The following KIF26B variants were observed in gnomAD, a reference collection of about 807,000 sequenced individuals.
KIF26B encodes the protein kinesin-like protein KIF26B.
Under a neutral mutation model 151.2 loss-of-function variants are expected in KIF26B, and 63 were observed. The ratio of observed to expected loss-of-function variants is 0.42; its 90% confidence interval spans 0.34 to 0.51. The LOEUF is 0.51. KIF26B is among the 20% of genes least tolerant of loss of function. The pLI is 0.07. For missense variants in KIF26B, 2,813 were observed against 2,913.6 expected, an observed-to-expected ratio of 0.97 and a Z score of 0.79; for synonymous variants, 1,357 against 1,262.1, an observed-to-expected ratio of 1.08 and a Z score of -1.59.
At chr1:245,612,432 A>G (rs1034003237) in intron 9 of KIF26B, among the ~76,000 whole-genome samples, 2 of 152,168 alleles carry the variant, frequency 1.3e-5, no homozygotes, top group Non-Finnish European at 2.9e-5. Flanking sequence ...AATAGACTAC[A>G]ATATGCAGTT....
At chr1:245,470,579 C>T (rs979152043) in intron 4 of KIF26B, among the ~76,000 whole-genome samples, 3 of 152,134 alleles carry the variant, frequency 2.0e-5, no homozygotes, top group Non-Finnish European at 4.4e-5. Context: ...CACAGGCACC[C>T]GCCACCACGC....
chr1:245,669,156 C>T (rs577062145), intron 10 of KIF26B, among the ~76,000 whole-genome samples: 31 of 152,298 alleles, frequency 2.0e-4, no homozygotes, highest in African/African-American at 7.5e-4. Context: ...TTTCCCCAGC[C>T]AATGACTGGT....
At chr1:245,184,050 G>GTTTTGTTTTTTTTTTTT (rs1553332273) in intron 2 of KIF26B, among the ~76,000 whole-genome samples, 3 of 19,804 alleles carry the variant, frequency 1.5e-4, no homozygotes, top group Non-Finnish European at 3.0e-4. Context: ...GGGAGTTGTT[G>GTTTTGTTTTTTTTTTTT]TTTTTTTTTT....
At chr1:245,289,303 T>C (rs1270208574) in intron 2 of KIF26B, among the ~76,000 whole-genome samples, 1 of 152,202 alleles carries the variant, frequency 6.6e-6, no homozygotes, top group Non-Finnish European at 1.5e-5. Context: ...TCAAAGAAAT[T>C]ACCGGCATGC....
At chr1:245,575,399 C>T (rs766019734) in intron 5 of KIF26B, among the ~76,000 whole-genome samples, 5 of 151,658 alleles carry the variant, frequency 3.3e-5, no homozygotes, top group Non-Finnish European at 7.4e-5. Flanking sequence ...TGTTTGAACC[C>T]GGGAGGCAGA....
At position 245,647,013 on chromosome 1, in the gene KIF26B, C is replaced by T. The variant is rs546296402; in HGVS notation, c.2258+733C>T. 7.7e-4 allele frequency among the ~76,000 whole-genome samples: 118 copies of T among 152,346 alleles called. 1 individual carries two copies. The highest frequency in any genetic ancestry group is 3.4e-3 in the Middle Eastern group (1 of 294). On this transcript the variant is annotated intron_variant, in intron 10 of 14. Coordinates refer to ENST00000407071, the MANE Select transcript of KIF26B (RefSeq NM_018012.4). The stretch of plus-strand genomic sequence containing the variant: ...ATTGACTGGCTGTCCAGGCTTCTGC[C>T]AAGGCCTAGCTGAGCCTCTTACTAG...
intron 2 of KIF26B, among the ~76,000 whole-genome samples, chr1:245,231,149 G>T (rs969443333): frequency 7.9e-5 from 12 of 152,092 alleles, no homozygotes; most frequent in Non-Finnish European, 7.4e-5. Context: ...TGATATATAA[G>T]CTAGGCAAAG....
At chr1:245,664,434 G>A (rs2044191350) in intron 10 of KIF26B, among the ~76,000 whole-genome samples, 1 of 150,512 alleles carries the variant, frequency 6.6e-6, no homozygotes. Flanking sequence ...CTATCATATT[G>A]CTCCTTTGCT....
chr1:245,500,903 C>A (rs1660607056), intron 4 of KIF26B, among the ~76,000 whole-genome samples: 1 of 152,196 alleles, frequency 6.6e-6, no homozygotes, highest in African/African-American at 2.4e-5. Flanking sequence ...AGTCAGTCAG[C>A]AGCATTGCCA....
At chr1:245,403,598 G>A in intron 3 of KIF26B, among the ~76,000 whole-genome samples, 1 of 146,560 alleles carries the variant, frequency 6.8e-6, no homozygotes, top group East Asian at 2.0e-4. Flanking sequence ...GTGTGCATGG[G>A]GGGTGTGTGT....
chr1:245,622,855 T>A (rs1313111324), intron 9 of KIF26B, among the ~76,000 whole-genome samples: 1 of 151,976 alleles, frequency 6.6e-6, no homozygotes, highest in East Asian at 1.9e-4. Flanking sequence ...GTGGGTGATG[T>A]ACCCAGAGAC....
chr1:245,334,810 G>T (rs1334954379), intron 2 of KIF26B, among the ~76,000 whole-genome samples: 1 of 152,178 alleles, frequency 6.6e-6, no homozygotes, highest in African/African-American at 2.4e-5. Flanking sequence ...CATAACTGCT[G>T]TCATGTCAGC....
chr1:245,354,865 G>A (rs1266406591), intron 2 of KIF26B, among the ~76,000 whole-genome samples: 1 of 152,156 alleles, frequency 6.6e-6, no homozygotes, highest in African/African-American at 2.4e-5. Flanking sequence ...ACCTAGGCCC[G>A]GGTGTCAACC....
Position 245,375,661 on chromosome 1 carries a change from G to C in KIF26B, c.999+8294G>C, listed in dbSNP as rs1175913303. ...AACTTTAAGAGGGTAAGTTTTTGTTGTTTGAAGCTGCTAAATGTGTGCTAT... is the reference window on the plus strand; with the variant it reads ...AACTTTAAGAGGGTAAGTTTTTGTTCTTTGAAGCTGCTAAATGTGTGCTAT... On this transcript the variant is annotated intron_variant, in intron 3 of 14. Coordinates refer to ENST00000407071, the MANE Select transcript of KIF26B (RefSeq NM_018012.4). The surrounding 1 kb of genome is among the most constrained non-coding windows in gnomAD (Gnocchi z 4.2). Among the ~76,000 whole-genome samples, 1 of 152,138 alleles carries C rather than the reference G, an allele frequency of 6.6e-6. No individual in the cohort carries two copies.
At chr1:245,484,977 A>G (rs1237294927) in intron 4 of KIF26B, among the ~76,000 whole-genome samples, 1 of 152,170 alleles carries the variant, frequency 6.6e-6, no homozygotes, top group African/African-American at 2.4e-5. Context: ...CTGACCAAGT[A>G]TTCAACAGAG....
intron 2 of KIF26B, among the ~76,000 whole-genome samples, chr1:245,344,443 C>A (rs1310858701): frequency 2.8e-5 from 4 of 141,514 alleles, no homozygotes; most frequent in East Asian, 2.1e-4. Flanking sequence ...TGCAGTGAGC[C>A]GAGATCGCGC....
chr1:245,663,520 T>C (rs921035611), intron 10 of KIF26B, among the ~76,000 whole-genome samples: 1 of 152,180 alleles, frequency 6.6e-6, no homozygotes, highest in Non-Finnish European at 1.5e-5. Flanking sequence ...CTCTTTCTCA[T>C]GGTGCCGTGT....
At chr1:245,548,044 C>T (rs971401331) in intron 5 of KIF26B, among the ~76,000 whole-genome samples, 5 of 152,202 alleles carry the variant, frequency 3.3e-5, no homozygotes, top group African/African-American at 9.7e-5. Context: ...CTTCTGAACA[C>T]ATTTTTGTTT....
chr1:245,641,920 C>G (rs2043896072), intron 9 of KIF26B, among the ~76,000 whole-genome samples: 1 of 152,164 alleles, frequency 6.6e-6, no homozygotes, highest in Non-Finnish European at 1.5e-5. Flanking sequence ...TTTTAGTCTT[C>G]CTAGTCTGGC....
Sources: gnomAD v4.1 joint callset for allele counts (sites outside exome capture counted in the v4.1 genomes callset) on GRCh38, gnomAD v4.1.1 for gene constraint, Gnocchi (gnomAD v3.1) non-coding constraint, MANE v1.5 for transcripts, NCBI Gene and HGNC (gene_info 2026-07-23, HGNC 2026-07-21) for gene names.